The following ABLIM1 variants were observed in gnomAD, a reference collection of about 807,000 sequenced individuals.
The protein encoded by ABLIM1 is actin binding LIM protein 1.
In ABLIM1, 40 loss-of-function variants were observed where a neutral mutation model predicts 107.0. That is an observed-to-expected ratio of 0.37 (90% confidence interval 0.29 to 0.49). The LOEUF (loss-of-function observed/expected upper bound fraction) is 0.49. Among genes scored for constraint, ABLIM1 ranks in the 20% least tolerant of loss-of-function variants. The probability of loss-of-function intolerance (pLI) is 0.97; values close to 1 mark genes in which losing one functional copy is unlikely to be tolerated. For synonymous variants in ABLIM1, 357 were observed against 357.3 expected, an observed-to-expected ratio of 1.00 and a Z score of 0.01; for missense variants, 857 against 1,008.5, an observed-to-expected ratio of 0.85 and a Z score of 2.04.
chr10:114,441,880 A>G (rs967897971), intron 17 of ABLIM1, 94 bp from the exon 18 acceptor site: 1 of 1,112,480 alleles, frequency 9.0e-7, no homozygotes, highest in African/African-American at 1.6e-5. Flanking sequence ...CACAGGATAG[A>G]AATACCAAAA....
At chr10:114,597,354 C>A (rs944043066) in intron 2 of ABLIM1, among the ~76,000 whole-genome samples, 18 of 152,026 alleles carry the variant, frequency 1.2e-4, no homozygotes, top group African/African-American at 4.4e-4. Context: ...CAAGCCCTGT[C>A]AAGATGGTGC....
intron 4 of ABLIM1, among the ~76,000 whole-genome samples, chr10:114,562,080 C>T (rs2069792493): frequency 6.6e-6 from 1 of 152,216 alleles, no homozygotes; most frequent in African/African-American, 2.4e-5. Flanking sequence ...ACACCTCTCT[C>T]AATATCCAGT....
At chr10:114,799,369 TTTCC>T in the ABLIM1 span, among the ~76,000 whole-genome samples, 3 of 152,310 alleles carry the variant, frequency 2.0e-5, no homozygotes, top group South Asian at 6.2e-4. Flanking sequence ...CTCATTTATA[TTTCC>T]ACACTGACCT....
rs989817794 is a variant in ABLIM1 at position 114,601,878 on chromosome 10, C to T, written c.328G>A (p.Val110Met). ...HKCGEPCKGE[V>M]LRVQTKHFHI... ...AAATGTTTGGTCTGGACCCGAAGCA[C>T]TTCACCCTTGCAAGGCTCCCCACAT... Residue 110 changes from valine (V) to methionine (M), a missense_variant, in exon 2 of 23, where the codon GTG becomes ATG. Coordinates refer to ENST00000533213, the MANE Select transcript of ABLIM1 (RefSeq NM_002313.7). The T allele has an allele frequency of 6.2e-7, 1 of 1,614,170 alleles. No individual in the cohort carries two copies. Among genetic ancestry groups the T allele is most frequent in the Non-Finnish European group, 8.5e-7 (1 of 1,180,018 alleles).
rs895761155 is a variant in ABLIM1, at chr10:114,437,744, T to G, written c.2223+100A>C. 1.7e-5 allele frequency: 17 copies of G among 999,372 alleles called. No homozygotes were observed. The East Asian group carries it at 2.4e-4, about 14-fold the overall frequency. 61.9% of individuals were successfully genotyped at this position (999,372 alleles called of 1,614,324 possible). ...GACATGAGGGTGATCTTTATAATTT[T>G]TTTTTGTTTTCACTGAAGAAATAAA... is the stretch of plus-strand genomic sequence containing the variant. On this transcript the variant is annotated intron_variant, in intron 22 of 22. Transcript: ENST00000533213.
chr10:114,765,279 T>A (rs953161703), intron 1 of ABLIM1, among the ~76,000 whole-genome samples: 1 of 151,716 alleles, frequency 6.6e-6, no homozygotes, highest in Non-Finnish European at 1.5e-5. Flanking sequence ...ACTCCTAACC[T>A]CATGTTCCAC....
intron 10 of ABLIM1, among the ~76,000 whole-genome samples, chr10:114,468,549 C>T (rs1183616642): frequency 6.6e-6 from 1 of 151,800 alleles, no homozygotes; most frequent in African/African-American, 2.4e-5. Context: ...TTTGGGATTA[C>T]AGGCGTGAGC....
intron 1 of ABLIM1, among the ~76,000 whole-genome samples, chr10:114,767,207 ACAACTCCG>A (rs1312420694): frequency 6.6e-6 from 1 of 152,154 alleles, no homozygotes. Flanking sequence ...AAATAAAAAA[ACAACTCCG>A]CAACTCCTCT....
At chr10:114,463,954 G>T (rs941942227) in intron 12 of ABLIM1, among the ~76,000 whole-genome samples, 1 of 152,126 alleles carries the variant, frequency 6.6e-6, no homozygotes, top group Non-Finnish European at 1.5e-5. Flanking sequence ...AGGAGAGAAG[G>T]AGAAGATTCT....
intron 6 of ABLIM1, among the ~76,000 whole-genome samples, chr10:114,534,921 G>A (rs538095835): frequency 6.6e-6 from 1 of 152,242 alleles, no homozygotes; most frequent in Non-Finnish European, 1.5e-5. Context: ...GCATGGGAAT[G>A]CAGTCTGCTG....
At chr10:114,532,966 T>C (rs2065607737) in intron 6 of ABLIM1, among the ~76,000 whole-genome samples, 1 of 152,140 alleles carries the variant, frequency 6.6e-6, no homozygotes, top group African/African-American at 2.4e-5. Flanking sequence ...AAATGGAGAT[T>C]AGGTCTGAGT....
rs901460263 is a variant in ABLIM1 at position 114,432,645 on chromosome 10, T to C, written c.*3615A>G. The C allele has an allele frequency of 2.0e-5, 3 of 152,158 alleles. No individual in the cohort carries two copies. The highest frequency in any genetic ancestry group is 1.9e-4 in the East Asian group (1 of 5,194). The allele number at this position is 152,158 out of a possible 1,614,324, so 9.4% of individuals were successfully genotyped here. On this transcript the variant is annotated 3_prime_UTR_variant, in exon 23 of 23. Coordinates refer to ENST00000533213, the MANE Select transcript of ABLIM1 (RefSeq NM_002313.7). ...CTAGACGTCTCCGAGTTAGAGTTGATTGATATACTGGATTGGGATGGAGAG... is the reference window on the plus strand; with the variant it reads ...CTAGACGTCTCCGAGTTAGAGTTGACTGATATACTGGATTGGGATGGAGAG...
chr10:114,602,657 C>A (rs1019208771), intron 1 of ABLIM1, among the ~76,000 whole-genome samples: 3 of 152,182 alleles, frequency 2.0e-5, no homozygotes, highest in Admixed American at 6.5e-5. Flanking sequence ...CTAGGAACAA[C>A]ATGGATCTCT....
the ABLIM1 span, chr10:114,777,965 G>A: frequency 6.6e-6 from 1 of 152,246 alleles, no homozygotes; most frequent in African/African-American, 2.4e-5. Context: ...TGCAGCAAGA[G>A]CGCTGGCCTG....
intron 8 of ABLIM1, among the ~76,000 whole-genome samples, chr10:114,481,828 T>C (rs570348667): frequency 6.6e-6 from 1 of 152,346 alleles, no homozygotes; most frequent in African/African-American, 2.4e-5. Context: ...AAACAGTATG[T>C]ATTGTAGTGA....
chr10:114,551,083 C>G (rs1216896045), intron 4 of ABLIM1, among the ~76,000 whole-genome samples: 1 of 152,122 alleles, frequency 6.6e-6, no homozygotes, highest in Admixed American at 6.5e-5. Flanking sequence ...CAGGAAGACT[C>G]GGGCAAGTTA....
intron 2 of ABLIM1, among the ~76,000 whole-genome samples, chr10:114,586,341 G>A (rs2074190380): frequency 6.6e-6 from 1 of 152,194 alleles, no homozygotes; most frequent in Non-Finnish European, 1.5e-5. Context: ...TGATTACAGA[G>A]AACAAGACTG....
chr10:114,781,503 CAAAAAAAGAA>C, the ABLIM1 span, among the ~76,000 whole-genome samples: 3 of 143,208 alleles, frequency 2.1e-5, no homozygotes, highest in South Asian at 4.4e-4. Flanking sequence ...GACCCTGTCT[CAAAAAAAGAA>C]AAAAAAAGAA....
rs149933487 is a variant in ABLIM1 at position 114,625,647 on chromosome 10, G to C, written c.245-23686C>G. Among the ~76,000 whole-genome samples the C allele has an allele frequency of 1.2e-3, 181 of 152,302 alleles. 1 individual carries two copies. Among genetic ancestry groups the C allele is most frequent in the African/African-American group, 4.0e-3 (167 of 41,560 alleles). On this transcript the variant is annotated intron_variant, in intron 1 of 22. Coordinates refer to ENST00000533213, the MANE Select transcript of ABLIM1 (RefSeq NM_002313.7). ...GATCTTTGATAAATACATAAAAGGGGGGGGTACAGTATGTCTCACAAGGCA... is the reference window on the plus strand; with the variant it reads ...GATCTTTGATAAATACATAAAAGGGCGGGGTACAGTATGTCTCACAAGGCA...
Sources: gnomAD v4.1 joint callset for allele counts (sites outside exome capture counted in the v4.1 genomes callset) on GRCh38, gnomAD v4.1.1 for gene constraint, MANE v1.5 for transcripts, NCBI Gene and HGNC (gene_info 2026-07-23, HGNC 2026-07-21) for gene names.